The following YIF1B variants were observed in gnomAD, a reference collection of about 807,000 sequenced individuals.
The protein encoded by YIF1B is protein YIF1B.
YIF1B carries 24 observed loss-of-function variants against 34.6 expected under a neutral mutation model. The ratio of observed to expected loss-of-function variants is 0.69; its 90% confidence interval spans 0.50 to 0.98. The LOEUF (loss-of-function observed/expected upper bound fraction) is 0.98, where lower values mean the gene tolerates loss of function less well. Among genes scored for constraint, YIF1B ranks in the 50% least tolerant of loss-of-function variants. The pLI is 0.00. For missense variants in YIF1B, 368 were observed against 429.4 expected, an observed-to-expected ratio of 0.86 and a Z score of 1.26; for synonymous variants, 186 against 184.8, an observed-to-expected ratio of 1.01 and a Z score of -0.05.
intron 7 of YIF1B, chr19:38,306,875 G>T (rs1645738812): frequency 2.4e-6 from 1 of 423,746 alleles, no homozygotes. Context: ...TAGAGATGGG[G>T]TTTCACCGTG....
At chr19:38,312,746 C>A (rs944419390) in intron 1 of YIF1B, among the ~76,000 whole-genome samples, 1 of 152,214 alleles carries the variant, frequency 6.6e-6, no homozygotes, top group Non-Finnish European at 1.5e-5. Flanking sequence ...AACTGTCCCA[C>A]CTTGCAGAGC....
upstream of YIF1B, chr19:38,315,962 C>A: frequency 7.2e-7 from 1 of 1,389,732 alleles, no homozygotes; most frequent in African/African-American, 1.5e-5. Context: ...CGTGCCCGCC[C>A]GGCTCCCGTA....
chr19:38,316,724 C>T (rs1404510446), upstream of YIF1B, among the ~76,000 whole-genome samples: 2 of 152,160 alleles, frequency 1.3e-5, no homozygotes, highest in South Asian at 2.1e-4. Context: ...CAGGGTCTTC[C>T]TCTGTTTTCC....
At chr19:38,318,355 C>A (rs1330404216), upstream of YIF1B, among the ~76,000 whole-genome samples, 1 of 152,014 alleles carries the variant, frequency 6.6e-6, no homozygotes, top group Non-Finnish European at 1.5e-5. Context: ...GCGACCATAA[C>A]TCATTGCAGT....
At chr19:38,319,569 G>A (rs1218960084), upstream of YIF1B, among the ~76,000 whole-genome samples, 1 of 152,186 alleles carries the variant, frequency 6.6e-6, no homozygotes, top group Middle Eastern at 3.2e-3. Flanking sequence ...GCGCGATGGG[G>A]GGCGACTCCT....
rs750423346 is a variant in YIF1B, at chr19:38,304,724, T to A, written c.*628A>T. The A allele has an allele frequency of 1.2e-6, 2 of 1,612,974 alleles. No homozygotes were observed. Among genetic ancestry groups the A allele is most frequent in the Non-Finnish European group, 1.7e-6 (2 of 1,179,516 alleles). On this transcript the variant is annotated 3_prime_UTR_variant, in exon 8 of 8. Transcript: ENST00000339413. The stretch of plus-strand genomic sequence containing the variant: ...CGCCAGCGTCCCCAAGCACGTGCCC[T>A]GCACCCCAGAGAGGCGTCCCCGCAC...
rs1272026814 is a variant in YIF1B at position 38,303,780 on chromosome 19, G to GCTCCAAGTCTATGCCCCTCACCC, written c.*1549_*1571dup. ...AGCTGGCATCTAGTGCAGCAGGCTG[G>GCTCCAAGTCTATGCCCCTCACCC]CTCCAAGTCTATGCCCCTCACCCCT... is the stretch of plus-strand genomic sequence containing the variant. On this transcript the variant is annotated 3_prime_UTR_variant, in exon 8 of 8. Transcript: ENST00000339413. Among the ~76,000 whole-genome samples the GCTCCAAGTCTATGCCCCTCACCC allele has an allele frequency of 6.6e-6, 1 of 152,200 alleles. No individual in the cohort carries two copies. Among genetic ancestry groups the GCTCCAAGTCTATGCCCCTCACCC allele is most frequent in the Non-Finnish European group, 1.5e-5 (1 of 68,022 alleles).
In YIF1B at chr19:38,308,978, C is replaced by A. The variant is rs1302249558; in HGVS notation, c.481+1G>T. 1 of 1,602,952 alleles carries A rather than the reference C, an allele frequency of 6.2e-7. No homozygotes were observed. The highest frequency in any genetic ancestry group is 8.5e-7 in the Non-Finnish European group (1 of 1,173,170). On this transcript the variant is annotated splice_donor_variant, in intron 4 of 7. Transcript: ENST00000339413. LOFTEE classifies it high-confidence loss of function. ...GGTGCAGGGTAGGGGGAGGGTGAAA[C>A]CTGGAATGTAGAGGTCCGGGGCATT...
At chr19:38,315,427 A>G in intron 1 of YIF1B, 1 of 1,296,560 alleles carries the variant, frequency 7.7e-7, no homozygotes, top group Non-Finnish European at 9.8e-7. Context: ...ACACTCACGG[A>G]GATGAAGAGA....
chr19:38,315,420 C>G, intron 1 of YIF1B: 2 of 1,283,084 alleles, frequency 1.6e-6, no homozygotes, highest in Non-Finnish European at 2.0e-6. Flanking sequence ...ACACAGCACA[C>G]TCACGGAGAT....
At chr19:38,314,495 A>T (rs569119630) in intron 1 of YIF1B, among the ~76,000 whole-genome samples, 71 of 147,702 alleles carry the variant, frequency 4.8e-4, no homozygotes, top group African/African-American at 1.7e-3. Context: ...GCCCAACCTA[A>T]TTTTTTTGCA....
intron 1 of YIF1B, chr19:38,315,602 G>T: frequency 1.3e-6 from 2 of 1,516,044 alleles, no homozygotes; most frequent in Non-Finnish European, 1.8e-6. Context: ...AGGGCGGATC[G>T]CTAACTGCAA....
chr19:38,318,725 C>T (rs1339777396), upstream of YIF1B, among the ~76,000 whole-genome samples: 1 of 152,164 alleles, frequency 6.6e-6, no homozygotes, highest in Non-Finnish European at 1.5e-5. Context: ...TCTGCCAGCT[C>T]TTTAATAGAA....
intron 1 of YIF1B, among the ~76,000 whole-genome samples, chr19:38,314,151 G>A (rs1273600664): frequency 2.0e-5 from 3 of 150,908 alleles, no homozygotes; most frequent in South Asian, 2.1e-4. Flanking sequence ...TCAGCCGCCC[G>A]AGTAGCTGGA....
At position 38,304,244 on chromosome 19, in the gene YIF1B, C is replaced by T; in HGVS notation, c.*1108G>A. On this transcript the variant is annotated 3_prime_UTR_variant, in exon 8 of 8. Transcript: ENST00000339413. ...GCCCAGGCGCCCTTGGCCTTAGGACCCAACTTCTCTTACCGCCATGGAGTT... is the reference window on the plus strand; with the variant it reads ...GCCCAGGCGCCCTTGGCCTTAGGACTCAACTTCTCTTACCGCCATGGAGTT... 6.2e-7 allele frequency: 1 copy of T among 1,613,554 alleles called. No homozygotes were observed. The highest frequency in any genetic ancestry group is 8.5e-7 in the Non-Finnish European group (1 of 1,180,020).
chr19:38,319,956 G>A (rs1369061616), upstream of YIF1B: 57 of 1,450,628 alleles, frequency 3.9e-5, no homozygotes, highest in Non-Finnish European at 5.0e-5. Flanking sequence ...GTGCCATGCG[G>A]AGGGGCGCGC....
chr19:38,318,495 G>A (rs1031180932), upstream of YIF1B, among the ~76,000 whole-genome samples: 2 of 152,114 alleles, frequency 1.3e-5, no homozygotes, highest in African/African-American at 4.8e-5. Context: ...TGTTGCCCGA[G>A]CTGGTCTCAA....
chr19:38,307,051 C>A (rs1325351213), intron 7 of YIF1B: 2 of 489,808 alleles, frequency 4.1e-6, no homozygotes, highest in African/African-American at 3.9e-5. Context: ...GTCCACCCAG[C>A]CTGCAGACCC....
chr19:38,306,474 G>A lies in YIF1B; in HGVS notation c.789+954C>T, dbSNP rs901921403. Among the ~76,000 whole-genome samples the A allele has an allele frequency of 2.0e-5, 3 of 151,846 alleles. No homozygotes were observed. In the South Asian group the frequency reaches 6.2e-4, roughly 32 times the overall value. On this transcript the variant is annotated intron_variant, in intron 7 of 7. Coordinates refer to ENST00000339413, the MANE Select transcript of YIF1B (RefSeq NM_001039672.3). Reference sequence around the variant, plus strand: ...GATCCTCCTGCCTCAGCCTGCCAAAGTGCTGGGATCACAGATGTGAGTCAC... The same window carrying A: ...GATCCTCCTGCCTCAGCCTGCCAAAATGCTGGGATCACAGATGTGAGTCAC...
Sources: gnomAD v4.1 joint callset for allele counts (sites outside exome capture counted in the v4.1 genomes callset) on GRCh38, gnomAD v4.1.1 for gene constraint, MANE v1.5 for transcripts, NCBI Gene and HGNC (gene_info 2026-07-23, HGNC 2026-07-21) for gene names.